Variants in RAD52 observed in about 807,000 individuals in gnomAD.
RAD52 encodes DNA repair protein RAD52 homolog.
RAD52 carries 47 observed loss-of-function variants against 55.5 expected under a neutral mutation model. The ratio of observed to expected loss-of-function variants is 0.85; its 90% CI spans 0.67 to 1.08. RAD52 has a LOEUF of 1.08. RAD52 is among the 50% of genes least tolerant of loss of function. RAD52 has a pLI of 0.00. For missense variants in RAD52, 468 were observed against 522.8 expected (o/e 0.90, Z 1.02); for synonymous variants, 184 against 198.9 (o/e 0.92, Z 0.63).
At position 974,134 on chromosome 12, in the gene RAD52, T is replaced by C. The variant is rs369152831; in HGVS notation, c.-19+15675A>G. The C allele has an allele frequency of 2.0e-5, 3 of 152,000 alleles. No individual in the cohort carries two copies. The East Asian group carries it at 5.8e-4, about 29-fold the overall frequency. The allele number at this position is 152,000 out of a possible 1,614,324, so 9.4% of individuals were successfully genotyped here. ...CGGGGAAGATGTGGGAAGAGCAGGT[T>C]TGGGAGTAGAAATCAGAAGTTTATT... is the stretch of plus-strand genomic sequence containing the variant. On this transcript the variant is annotated intron_variant, in intron 1 of 11. Transcript: ENST00000430095.
chr12:926,367 G>A (rs925357234), intron 6 of RAD52, among the ~76,000 whole-genome samples: 1 of 151,876 alleles, frequency 6.6e-6, no homozygotes, highest in Non-Finnish European at 1.5e-5. Context: ...AACTGGGGGT[G>A]GTGTTATGTG....
chr12:947,246 A>C (rs1434688274), intron 1 of RAD52, among the ~76,000 whole-genome samples: 1 of 152,128 alleles, frequency 6.6e-6, no homozygotes, highest in East Asian at 1.9e-4. Flanking sequence ...GAATCGCTTG[A>C]ATCCAGGAGG....
upstream of RAD52, among the ~76,000 whole-genome samples, chr12:953,234 G>A (rs1381208629): frequency 4.6e-5 from 7 of 151,586 alleles, no homozygotes; most frequent in Non-Finnish European, 8.8e-5. Context: ...GAACCCGGAA[G>A]TGGAGGTTGC....
At chr12:957,963 T>C (rs1053805699) in intron 1 of RAD52, among the ~76,000 whole-genome samples, 11 of 152,224 alleles carry the variant, frequency 7.2e-5, no homozygotes, top group African/African-American at 2.7e-4. Flanking sequence ...ACCAGGGCGG[T>C]CTCGCCCCTG....
intron 1 of RAD52, among the ~76,000 whole-genome samples, chr12:964,160 G>A (rs545132154): frequency 6.6e-6 from 1 of 152,294 alleles, no homozygotes; most frequent in Admixed American, 6.5e-5. Context: ...ACTCTGAGAA[G>A]GAAGGCCACT....
chr12:986,745 C>CTTTTTT (rs373962428), intron 1 of RAD52, among the ~76,000 whole-genome samples: 1 of 133,676 alleles, frequency 7.5e-6, no homozygotes, highest in Non-Finnish European at 1.6e-5. Context: ...ATCTTCTAAG[C>CTTTTTT]TTTTTTTTTT....
intron 1 of RAD52, among the ~76,000 whole-genome samples, chr12:988,046 C>T (rs1004524854): frequency 6.6e-6 from 1 of 152,160 alleles, no homozygotes; most frequent in Non-Finnish European, 1.5e-5. Context: ...CATCCTGGCT[C>T]ACTGCTCCGT....
chr12:918,234 T>G (rs1956515204), intron 7 of RAD52, among the ~76,000 whole-genome samples: 1 of 152,060 alleles, frequency 6.6e-6, no homozygotes, highest in Non-Finnish European at 1.5e-5. Flanking sequence ...AAAAATAAAT[T>G]GCCACATACT....
chr12:959,289 C>T (rs1193282036), intron 1 of RAD52, among the ~76,000 whole-genome samples: 1 of 152,146 alleles, frequency 6.6e-6, no homozygotes, highest in Non-Finnish European at 1.5e-5. Flanking sequence ...ATTGCAGTGC[C>T]TCTTAGCTAT....
intron 1 of RAD52, among the ~76,000 whole-genome samples, chr12:982,132 G>A (rs1282471008): frequency 2.0e-5 from 3 of 152,160 alleles, no homozygotes; most frequent in African/African-American, 4.8e-5. Flanking sequence ...GGTAACATGT[G>A]TTCACAGCCA....
upstream of RAD52, among the ~76,000 whole-genome samples, chr12:952,636 C>A (rs528149284): frequency 1.3e-4 from 19 of 151,636 alleles, no homozygotes; most frequent in South Asian, 4.0e-3. Context: ...TCACACCTCC[C>A]AACACTTTGG....
chr12:913,430 CTTCCTATGAGATTCCCAGT>C lies in RAD52; in HGVS notation c.1199_1217del (p.Asn400ArgfsTer5). ...ATTTCCTTTTCTTCATGTCCTGGCT[CTTCCTATGAGATTCCCAGT>C]TTCCTATGGAAGACAAAATGGCTTA... On this transcript the variant is annotated frameshift_variant, in exon 12 of 12. Coordinates refer to ENST00000358495, the MANE Select transcript of RAD52 (RefSeq NM_134424.4). LOFTEE classifies it high-confidence loss of function. The C allele has an allele frequency of 1.9e-6, 3 of 1,607,984 alleles. No individual in the cohort carries two copies. The highest frequency in any genetic ancestry group is 2.6e-6 in the Non-Finnish European group (3 of 1,174,558).
At chr12:934,002 T>C (rs6489766) in intron 1 of RAD52, among the ~76,000 whole-genome samples, 56,489 of 150,646 alleles carry the variant, frequency 0.37, 10,633 homozygotes, top group East Asian at 0.55. Flanking sequence ...CTTAGGAGGC[T>C]GATGTGGGAG....
chr12:929,336 T>G (rs1332905422), intron 5 of RAD52, among the ~76,000 whole-genome samples: 2 of 152,162 alleles, frequency 1.3e-5, no homozygotes, highest in Non-Finnish European at 2.9e-5. Flanking sequence ...GTATTTAGAG[T>G]CCACTGGAAT....
At chr12:977,972 A>G (rs1370363523) in intron 1 of RAD52, among the ~76,000 whole-genome samples, 2 of 152,204 alleles carry the variant, frequency 1.3e-5, no homozygotes, top group Non-Finnish European at 2.9e-5. Flanking sequence ...GATCAAGTTG[A>G]GTGAATATGG....
At chr12:925,556 G>A (rs2154112631) in intron 6 of RAD52, 31 bp from the exon 7 acceptor site, 1 of 1,532,458 alleles carries the variant, frequency 6.5e-7, no homozygotes, top group Non-Finnish European at 9.0e-7. Flanking sequence ...GGTGAAACAG[G>A]GTTAAGAATT....
At chr12:965,973 T>G (rs574884862) in intron 1 of RAD52, among the ~76,000 whole-genome samples, 12 of 151,774 alleles carry the variant, frequency 7.9e-5, no homozygotes, top group Admixed American at 2.0e-4. Context: ...CATGAACCAC[T>G]GTGCCTGGCT....
At chr12:970,368 C>G (rs1958829441) in intron 1 of RAD52, among the ~76,000 whole-genome samples, 1 of 148,274 alleles carries the variant, frequency 6.7e-6, no homozygotes, top group African/African-American at 2.5e-5. Context: ...ACTCACATTC[C>G]TTTTGGGATT....
At chr12:967,831 G>A (rs1414838493) in intron 1 of RAD52, among the ~76,000 whole-genome samples, 3 of 152,014 alleles carry the variant, frequency 2.0e-5, no homozygotes, top group Non-Finnish European at 4.4e-5. Flanking sequence ...AGCTATTTGA[G>A]AGGCTGGGGT....
Sources: gnomAD v4.1 joint callset for allele counts (sites outside exome capture counted in the v4.1 genomes callset) on GRCh38, gnomAD v4.1.1 for gene constraint, MANE v1.5 for transcripts, NCBI Gene and HGNC (gene_info 2026-07-23, HGNC 2026-07-21) for gene names.